Variants in ZNF292 observed in about 807,000 individuals in gnomAD.
ZNF292 encodes the protein 16 zinc-finger domain protein.
ZNF292 carries 26 observed loss-of-function variants against 217.9 expected under a neutral mutation model. That is an observed-to-expected ratio of 0.12 (90% confidence interval 0.09 to 0.17). The LOEUF (loss-of-function observed/expected upper bound fraction) is 0.17, where lower values mean the gene tolerates loss of function less well. Ranked by LOEUF, ZNF292 falls within the 10% of genes least tolerant of loss-of-function variation. The probability of loss-of-function intolerance (pLI) is 1.00; values close to 1 mark genes in which losing one functional copy is unlikely to be tolerated. For synonymous variants in ZNF292, 1,257 were observed against 1,124.1 expected (o/e 1.12, Z -2.37); for missense variants, 2,904 against 3,175.2 (o/e 0.91, Z 2.05).
At chr6:87,208,485 A>G (rs756643892) in intron 1 of ZNF292, among the ~76,000 whole-genome samples, 4 of 151,872 alleles carry the variant, frequency 2.6e-5, no homozygotes, top group Non-Finnish European at 5.9e-5. Context: ...TTCTTATAAC[A>G]TGGTGTTTTT....
intron 5 of ZNF292, among the ~76,000 whole-genome samples, chr6:87,239,029 A>C (rs1243368175): frequency 6.6e-6 from 1 of 152,262 alleles, no homozygotes; most frequent in African/African-American, 2.4e-5. Context: ...ATCCCAAGGC[A>C]GAAGAATTTT....
intron 1 of ZNF292, among the ~76,000 whole-genome samples, chr6:87,182,954 C>T (rs1771514404): frequency 6.6e-6 from 1 of 152,018 alleles, no homozygotes; most frequent in South Asian, 2.1e-4. Flanking sequence ...AACTGATGGC[C>T]CTGGCTCTGT....
chr6:87,192,066 A>T, intron 1 of ZNF292, among the ~76,000 whole-genome samples: 1 of 152,366 alleles, frequency 6.6e-6, no homozygotes, highest in South Asian at 2.1e-4. Flanking sequence ...ACAAACTTAG[A>T]AATGATTAAA....
At chr6:87,183,651 A>G (rs1377617787) in intron 1 of ZNF292, among the ~76,000 whole-genome samples, 2 of 152,338 alleles carry the variant, frequency 1.3e-5, no homozygotes, top group African/African-American at 2.4e-5. Context: ...CAGAACATAA[A>G]CCACTTTACA....
chr6:87,239,535 GC>G (rs1210277218), intron 5 of ZNF292, among the ~76,000 whole-genome samples: 31 of 127,026 alleles, frequency 2.4e-4, no homozygotes, highest in Admixed American at 1.7e-3. Flanking sequence ...GGCGGGGGCT[GC>G]CCCCCACCTC....
rs187161285 is a variant in ZNF292 at position 87,258,440 on chromosome 6, C to T, written c.4811C>T (p.Ser1604Phe). ...GPSQNFTSNSSRVSVISGPQN... is the reference protein window; with the variant it reads ...GPSQNFTSNSFRVSVISGPQN... Reference sequence around the variant, plus strand: ...TCACAAAATTTTACCAGTAACAGTTCTCGTGTTTCTGTTATAAGTGGTCCT... The same window carrying T: ...TCACAAAATTTTACCAGTAACAGTTTTCGTGTTTCTGTTATAAGTGGTCCT... Residue 1604 changes from serine to phenylalanine, a missense_variant, in exon 8 of 8, where the codon TCT (serine) becomes TTT (phenylalanine). By Grantham distance (155) the Ser-to-Phe change is radical. Coordinates refer to ENST00000369577, the MANE Select transcript of ZNF292 (RefSeq NM_015021.3). The T allele has an allele frequency of 1.9e-6, 3 of 1,613,634 alleles. No individual in the cohort carries two copies. The highest frequency in any genetic ancestry group is 4.5e-5 in the East Asian group (2 of 44,868).
intron 1 of ZNF292, among the ~76,000 whole-genome samples, chr6:87,194,815 G>A (rs553368449): frequency 2.6e-5 from 4 of 151,982 alleles, no homozygotes; most frequent in African/African-American, 9.7e-5. Flanking sequence ...TTAGGAAATA[G>A]AATCCAGCAA....
intron 1 of ZNF292, among the ~76,000 whole-genome samples, chr6:87,179,210 A>G: frequency 8.0e-6 from 1 of 124,492 alleles, no homozygotes; most frequent in Admixed American, 1.1e-4. Flanking sequence ...CCCGGGCTGG[A>G]GTGCACTGGC....
intron 1 of ZNF292, among the ~76,000 whole-genome samples, chr6:87,183,511 C>G (rs534426331): frequency 6.6e-6 from 1 of 152,102 alleles, no homozygotes; most frequent in Non-Finnish European, 1.5e-5. Context: ...CCTCAATGAT[C>G]AAAATCCCTA....
chr6:87,156,422 C>G (rs563573299), intron 1 of ZNF292, among the ~76,000 whole-genome samples: 73 of 152,242 alleles, frequency 4.8e-4, no homozygotes, highest in Non-Finnish European at 8.8e-4. Context: ...TGGTGCATCA[C>G]TTCTGTGGTA....
chr6:87,219,510 A>G (rs977461354), intron 4 of ZNF292, among the ~76,000 whole-genome samples: 16 of 152,282 alleles, frequency 1.1e-4, no homozygotes, highest in African/African-American at 3.6e-4. Context: ...AAGTTTTGCT[A>G]TGTGATAGCA....
intron 1 of ZNF292, among the ~76,000 whole-genome samples, chr6:87,158,049 A>T (rs2127767140): frequency 6.6e-6 from 1 of 152,318 alleles, no homozygotes; most frequent in South Asian, 2.1e-4. Context: ...GCATTTTAAA[A>T]ATCAGAATGA....
At chr6:87,248,120 G>A (rs1408568084) in intron 7 of ZNF292, among the ~76,000 whole-genome samples, 1 of 152,120 alleles carries the variant, frequency 6.6e-6, no homozygotes, top group Non-Finnish European at 1.5e-5. Flanking sequence ...ACCTTCCAAA[G>A]GTGCTACCAT....
intron 1 of ZNF292, among the ~76,000 whole-genome samples, chr6:87,163,279 G>A (rs371956164): frequency 2.0e-5 from 3 of 151,878 alleles, no homozygotes; most frequent in East Asian, 1.9e-4. Flanking sequence ...GTGAAACCCC[G>A]TCTCTACTAA....
chr6:87,175,420 T>A (rs1226161037), intron 1 of ZNF292, among the ~76,000 whole-genome samples: 3 of 152,148 alleles, frequency 2.0e-5, no homozygotes, highest in African/African-American at 7.2e-5. Context: ...CCTGCAGCCT[T>A]GAACTCCTGG....
rs1178249390 is a variant in ZNF292, at chr6:87,264,721, G to A, written c.*2920G>A. Among the ~76,000 whole-genome samples, 1 of 152,156 alleles carries A rather than the reference G, an allele frequency of 6.6e-6. No individual in the cohort carries two copies. Among genetic ancestry groups the A allele is most frequent in the South Asian group, 2.1e-4 (1 of 4,826 alleles). On this transcript the variant is annotated 3_prime_UTR_variant, in exon 8 of 8. Transcript: ENST00000369577. The stretch of plus-strand genomic sequence containing the variant: ...AGAAGGTGAAGCTGAAGAAGCAGAT[G>A]GGTGGTGGGATCAGGAGTGTTCTTG...
intron 3 of ZNF292, among the ~76,000 whole-genome samples, chr6:87,217,467 T>G (rs1380108802): frequency 6.6e-6 from 1 of 152,112 alleles, no homozygotes; most frequent in Non-Finnish European, 1.5e-5. Flanking sequence ...AACTTGTATC[T>G]TAGGTTTTTT....
At chr6:87,197,049 A>G (rs991058986) in intron 1 of ZNF292, among the ~76,000 whole-genome samples, 5 of 149,010 alleles carry the variant, frequency 3.4e-5, no homozygotes, top group African/African-American at 1.3e-4. Flanking sequence ...AACAAATCCA[A>G]ATGTCCAACA....
intron 1 of ZNF292, among the ~76,000 whole-genome samples, chr6:87,186,962 G>A (rs1043496110): frequency 2.6e-5 from 4 of 152,164 alleles, no homozygotes; most frequent in African/African-American, 7.2e-5. Flanking sequence ...GATAAATGAG[G>A]AGGGTAAGAC....
Sources: gnomAD v4.1 joint callset for allele counts (sites outside exome capture counted in the v4.1 genomes callset) on GRCh38, gnomAD v4.1.1 for gene constraint, MANE v1.5 for transcripts, NCBI Gene and HGNC (gene_info 2026-07-23, HGNC 2026-07-21) for gene names.